Variants in MAP2 observed in about 807,000 individuals in gnomAD.
MAP2 encodes microtubule-associated protein 2.
In MAP2, 14 loss-of-function variants were observed where a neutral mutation model predicts 137.6. That is an observed-to-expected ratio of 0.10 (90% CI 0.07 to 0.16). The LOEUF is 0.16. MAP2 is among the 10% of genes least tolerant of loss of function. The pLI, the probability that MAP2 is intolerant of heterozygous loss-of-function variation, is 1.00. For missense variants in MAP2, 2,088 were observed against 2,191.5 expected, an observed-to-expected ratio of 0.95 and a Z score of 0.94; for synonymous variants, 786 against 782.3, an observed-to-expected ratio of 1.00 and a Z score of -0.08.
chr2:209,477,143 C>T (rs1209394946), intron 1 of MAP2, among the ~76,000 whole-genome samples: 1 of 152,082 alleles, frequency 6.6e-6, no homozygotes, highest in Admixed American at 6.6e-5. Flanking sequence ...CATTGGTGTG[C>T]GTACTGCACA....
intron 1 of MAP2, among the ~76,000 whole-genome samples, chr2:209,430,376 T>C (rs1242331884): frequency 6.6e-6 from 1 of 151,886 alleles, no homozygotes; most frequent in Non-Finnish European, 1.5e-5. Context: ...TGGTGGTATT[T>C]GTGTGTTTGT....
intron 7 of MAP2, among the ~76,000 whole-genome samples, chr2:209,688,106 A>C (rs2057672181): frequency 6.6e-6 from 1 of 152,266 alleles, no homozygotes; most frequent in South Asian, 2.1e-4. Context: ...ATATAAGTTG[A>C]ATCTATCCAA....
intron 1 of MAP2, among the ~76,000 whole-genome samples, chr2:209,506,614 T>C (rs1178072997): frequency 6.6e-6 from 1 of 152,192 alleles, no homozygotes; most frequent in Non-Finnish European, 1.5e-5. Flanking sequence ...CAAAAGTTTG[T>C]TTTTGTCCCT....
At chr2:209,469,043 A>G (rs1481993481) in intron 1 of MAP2, among the ~76,000 whole-genome samples, 2 of 152,232 alleles carry the variant, frequency 1.3e-5, no homozygotes, top group South Asian at 4.1e-4. Flanking sequence ...AAATCTTACT[A>G]ATAAGAACCA....
rs999794940 is a variant in MAP2 at position 209,693,470 on chromosome 2, A to T, written c.1300A>T (p.Ile434Leu). 1.9e-6 allele frequency: 3 copies of T among 1,613,826 alleles called. No individual in the cohort carries two copies. The highest frequency in any genetic ancestry group is 2.2e-5 in the East Asian group (1 of 44,872). The change falls in exon 8 of 16, where the codon ATA becomes TTA. Residue 434 changes from isoleucine to leucine, a missense_variant. Coordinates refer to ENST00000682079, the MANE Select transcript of MAP2 (RefSeq NM_001375505.1). Reference sequence around the variant, plus strand: ...TTTCACCCCCAGTGGACAGGAACCTATACTTACTGAAAAGGAAACTGAGCT... The same window carrying T: ...TTTCACCCCCAGTGGACAGGAACCTTTACTTACTGAAAAGGAAACTGAGCT... ...DTFTPSGQEPILTEKETELKL... is the reference protein window; with the variant it reads ...DTFTPSGQEPLLTEKETELKL...
At chr2:209,517,875 A>G (rs1409317979) in intron 2 of MAP2, among the ~76,000 whole-genome samples, 2 of 151,880 alleles carry the variant, frequency 1.3e-5, no homozygotes, top group Non-Finnish European at 2.9e-5. Context: ...TTTTTTTTAA[A>G]TAAGAGAAAA....
At chr2:209,557,072 C>T (rs1479565109) in intron 2 of MAP2, among the ~76,000 whole-genome samples, 1 of 152,152 alleles carries the variant, frequency 6.6e-6, no homozygotes, top group African/African-American at 2.4e-5. Context: ...TTCTTTTGAA[C>T]TGTTTAAAAT....
At chr2:209,601,896 C>A (rs2083121918) in intron 3 of MAP2, among the ~76,000 whole-genome samples, 2 of 152,082 alleles carry the variant, frequency 1.3e-5, no homozygotes, top group Non-Finnish European at 2.9e-5. Flanking sequence ...AAGTAAATTG[C>A]CAAAAAGACT....
intron 11 of MAP2, among the ~76,000 whole-genome samples, chr2:209,701,576 T>G (rs2061774684): frequency 6.6e-6 from 1 of 152,048 alleles, no homozygotes; most frequent in African/African-American, 2.4e-5. Context: ...TAGCTTACCC[T>G]TCTAAAAAAC....
At chr2:209,567,844 A>G (rs1446006197) in intron 2 of MAP2, among the ~76,000 whole-genome samples, 1 of 152,074 alleles carries the variant, frequency 6.6e-6, no homozygotes, top group African/African-American at 2.4e-5. Flanking sequence ...TCTTTTACCT[A>G]AAATCCTTTG....
intron 2 of MAP2, among the ~76,000 whole-genome samples, chr2:209,514,849 C>A (rs1405290158): frequency 6.6e-6 from 1 of 151,978 alleles, no homozygotes; most frequent in African/African-American, 2.4e-5. Flanking sequence ...ATATGACATA[C>A]AATACACACA....
intron 1 of MAP2, among the ~76,000 whole-genome samples, chr2:209,455,775 T>C (rs1338302019): frequency 1.3e-5 from 2 of 152,206 alleles, no homozygotes; most frequent in African/African-American, 4.8e-5. Context: ...TGTGGTGATT[T>C]AGAATAACTG....
intron 1 of MAP2, among the ~76,000 whole-genome samples, chr2:209,495,497 G>A (rs529883394): frequency 7.4e-4 from 112 of 152,228 alleles, no homozygotes; most frequent in Non-Finnish European, 9.4e-4. Flanking sequence ...GGAGCAGTCA[G>A]CAATCTTTAC....
intron 2 of MAP2, among the ~76,000 whole-genome samples, chr2:209,523,977 C>T (rs1013117578): frequency 6.6e-6 from 1 of 152,074 alleles, no homozygotes; most frequent in African/African-American, 2.4e-5. Context: ...TTTGCCTGCT[C>T]ACTGATGACT....
At chr2:209,510,501 T>C (rs2061597578) in intron 2 of MAP2, among the ~76,000 whole-genome samples, 1 of 152,022 alleles carries the variant, frequency 6.6e-6, no homozygotes, top group African/African-American at 2.4e-5. Flanking sequence ...AATAAATATA[T>C]TTGAGGTGAG....
chr2:209,596,034 A>G (rs1371426186), intron 3 of MAP2, among the ~76,000 whole-genome samples: 3 of 152,122 alleles, frequency 2.0e-5, no homozygotes, highest in Non-Finnish European at 2.9e-5. Flanking sequence ...CAGCAAACCA[A>G]CACGGCACAT....
rs536240482 is a variant in MAP2, at chr2:209,486,853, T to C, written c.-221-20739T>C. On this transcript the variant is annotated intron_variant, in intron 1 of 15. Transcript: ENST00000682079. ...ACTCTTGACTAGTACAGTTGAAATA[T>C]AATGGAATCTGAGGAAGTACTTAAT... Among the ~76,000 whole-genome samples, 6 of 152,334 alleles carry C rather than the reference T, an allele frequency of 3.9e-5. No individual in the cohort carries two copies. In the South Asian group the frequency reaches 1.2e-3, roughly 32 times the overall value.
intron 2 of MAP2, among the ~76,000 whole-genome samples, chr2:209,560,480 TC>T (rs1171212300): frequency 4.6e-5 from 6 of 130,364 alleles, no homozygotes; most frequent in Admixed American, 1.4e-4. Flanking sequence ...ACTTTGAGAT[TC>T]TTTTTTTTTT....
At chr2:209,443,173 C>G (rs1181860223) in intron 1 of MAP2, among the ~76,000 whole-genome samples, 2 of 151,212 alleles carry the variant, frequency 1.3e-5, no homozygotes, top group African/African-American at 2.4e-5. Context: ...TACCAATCTA[C>G]TATAGTCTCC....
Sources: gnomAD v4.1 joint callset for allele counts (sites outside exome capture counted in the v4.1 genomes callset) on GRCh38, gnomAD v4.1.1 for gene constraint, MANE v1.5 for transcripts, NCBI Gene and HGNC (gene_info 2026-07-23, HGNC 2026-07-21) for gene names.